Variants in SLCO6A1 observed in about 807,000 individuals in gnomAD.
SLCO6A1 encodes the protein cancer/testis antigen 48.
In SLCO6A1, 65 loss-of-function variants were observed where a neutral mutation model predicts 72.7. That is an observed-to-expected ratio of 0.89 (90% CI 0.73 to 1.10). The LOEUF is 1.10. Among genes scored for constraint, SLCO6A1 ranks in the 50% least tolerant of loss-of-function variants. SLCO6A1 has a pLI of 0.00. For missense variants in SLCO6A1, 874 were observed against 872.6 expected, an observed-to-expected ratio of 1.00 and a Z score of -0.02; for synonymous variants, 314 against 298.2, an observed-to-expected ratio of 1.05 and a Z score of -0.55.
chr5:102,482,592 A>G (rs1752266754), intron 1 of SLCO6A1, among the ~76,000 whole-genome samples: 2 of 152,228 alleles, frequency 1.3e-5, no homozygotes, highest in Admixed American at 6.5e-5. Flanking sequence ...TCAATAAGAC[A>G]TCATAATTAT....
intron 10 of SLCO6A1, among the ~76,000 whole-genome samples, chr5:102,393,853 T>G (rs1283326123): frequency 6.6e-6 from 1 of 152,204 alleles, no homozygotes; most frequent in African/African-American, 2.4e-5. Context: ...AGCCTCTTGA[T>G]GGAAAGATAC....
chr5:102,396,888 C>G (rs1362872492), intron 10 of SLCO6A1, among the ~76,000 whole-genome samples: 4 of 152,118 alleles, frequency 2.6e-5, no homozygotes, highest in African/African-American at 9.7e-5. Flanking sequence ...TGTGTTAGCT[C>G]AGGTCTCTCT....
At chr5:102,476,077 G>T (rs1460841724) in intron 3 of SLCO6A1, among the ~76,000 whole-genome samples, 2 of 152,028 alleles carry the variant, frequency 1.3e-5, no homozygotes, top group African/African-American at 4.8e-5. Context: ...AGGTGGGTGA[G>T]GGATAAAAGA....
chr5:102,404,619 G>A (rs766650738), intron 9 of SLCO6A1, among the ~76,000 whole-genome samples: 1 of 152,180 alleles, frequency 6.6e-6, no homozygotes, highest in Non-Finnish European at 1.5e-5. Flanking sequence ...AAATTAAAAA[G>A]AGAAAAGGGT....
intron 1 of SLCO6A1, among the ~76,000 whole-genome samples, chr5:102,484,994 G>A (rs1328914733): frequency 2.0e-5 from 3 of 152,136 alleles, no homozygotes; most frequent in Non-Finnish European, 4.4e-5. Context: ...GCTCATGCCT[G>A]TAATCCCAGC....
At position 102,390,035 on chromosome 5, in the gene SLCO6A1, G is replaced by T. The variant is rs73189402; in HGVS notation, c.1879+946C>A. 8.9e-3 allele frequency among the ~76,000 whole-genome samples: 1,353 copies of T among 152,156 alleles called. 21 individuals are homozygous for T. Among genetic ancestry groups the T allele is most frequent in the African/African-American group, 0.031 (1,287 of 41,508 alleles). On this transcript the variant is annotated intron_variant, in intron 11 of 13. Coordinates refer to ENST00000506729, the MANE Select transcript of SLCO6A1 (RefSeq NM_173488.5). The stretch of plus-strand genomic sequence containing the variant: ...CTGGGATTACAAATATGAGCACTGT[G>T]CCTAGCCGGGGTTATCTTTTAAATG...
At chr5:102,459,933 G>A (rs1750939595) in intron 4 of SLCO6A1, among the ~76,000 whole-genome samples, 156 bp from the exon 5 acceptor site, 1 of 152,090 alleles carries the variant, frequency 6.6e-6, no homozygotes, top group Non-Finnish European at 1.5e-5. Flanking sequence ...ACTATTGTTT[G>A]TTTTGTTGAG....
At chr5:102,434,890 C>A (rs1446244286) in intron 7 of SLCO6A1, among the ~76,000 whole-genome samples, 2 of 152,006 alleles carry the variant, frequency 1.3e-5, no homozygotes. Context: ...GTGCAATTAC[C>A]CTGAGTGTAA....
intron 2 of SLCO6A1, 129 bp from the exon 3 acceptor site, chr5:102,477,990 A>G (rs1751998797): frequency 2.4e-6 from 2 of 846,832 alleles, no homozygotes; most frequent in Non-Finnish European, 3.6e-6. Flanking sequence ...TTAACATTTC[A>G]TTTACATTGA....
intron 12 of SLCO6A1, among the ~76,000 whole-genome samples, chr5:102,381,203 T>C (rs565913841): frequency 2.6e-5 from 4 of 151,914 alleles, no homozygotes; most frequent in Non-Finnish European, 5.9e-5. Flanking sequence ...ACTAAAATTT[T>C]ATATCCTTTG....
intron 6 of SLCO6A1, among the ~76,000 whole-genome samples, chr5:102,445,190 G>A (rs189118994): frequency 5.9e-5 from 9 of 152,196 alleles, no homozygotes; most frequent in East Asian, 3.9e-4. Context: ...TCCCTCCAGC[G>A]GTGTTTAAGA....
chr5:102,494,204 T>C (rs1752810010), intron 1 of SLCO6A1, among the ~76,000 whole-genome samples: 1 of 152,126 alleles, frequency 6.6e-6, no homozygotes, highest in Non-Finnish European at 1.5e-5. Flanking sequence ...CAATAAACTA[T>C]ACTGGAATAA....
chr5:102,489,994 G>C (rs1286583841), intron 1 of SLCO6A1, among the ~76,000 whole-genome samples: 1 of 152,182 alleles, frequency 6.6e-6, no homozygotes, highest in African/African-American at 2.4e-5. Context: ...GACATGGAAA[G>C]ACAAGTACTG....
chr5:102,450,134 A>G (rs1342216272), intron 6 of SLCO6A1, among the ~76,000 whole-genome samples: 6 of 152,196 alleles, frequency 3.9e-5, no homozygotes, highest in Non-Finnish European at 8.8e-5. Context: ...TGTCATTTCA[A>G]CCATTTCATC....
intron 12 of SLCO6A1, among the ~76,000 whole-genome samples, chr5:102,381,731 C>CTTTTTTTTTTTTTTTTTTTT (rs57935092): frequency 7.4e-6 from 1 of 134,348 alleles, no homozygotes. Flanking sequence ...CAATATTTAT[C>CTTTTTTTTTTTTTTTTTTTT]TTTTTTTTTT....
intron 1 of SLCO6A1, among the ~76,000 whole-genome samples, chr5:102,481,273 T>C (rs1241219917): frequency 6.6e-6 from 1 of 152,132 alleles, no homozygotes; most frequent in African/African-American, 2.4e-5. Flanking sequence ...AGTCTTCCTA[T>C]GACAGGGAGC....
At chr5:102,422,433 A>C (rs1748658999) in intron 7 of SLCO6A1, among the ~76,000 whole-genome samples, 1 of 152,182 alleles carries the variant, frequency 6.6e-6, no homozygotes, top group African/African-American at 2.4e-5. Flanking sequence ...AACACAAATG[A>C]TCTGATGGAG....
At chr5:102,458,091 G>A (rs998020333) in intron 6 of SLCO6A1, among the ~76,000 whole-genome samples, 1 of 152,002 alleles carries the variant, frequency 6.6e-6, no homozygotes, top group Non-Finnish European at 1.5e-5. Context: ...TCACACACAG[G>A]GGCCTGTTGT....
At chr5:102,453,846 G>C (rs1750562352) in intron 6 of SLCO6A1, among the ~76,000 whole-genome samples, 1 of 152,014 alleles carries the variant, frequency 6.6e-6, no homozygotes, top group African/African-American at 2.4e-5. Flanking sequence ...TTGCTGAGGG[G>C]ATCTGTACAT....
Sources: gnomAD v4.1 joint callset for allele counts (sites outside exome capture counted in the v4.1 genomes callset) on GRCh38, gnomAD v4.1.1 for gene constraint, MANE v1.5 for transcripts, NCBI Gene and HGNC (gene_info 2026-07-23, HGNC 2026-07-21) for gene names.